The following LDB2 variants were observed in gnomAD, a reference collection of about 807,000 sequenced individuals.
LDB2 encodes the protein LIM domain binding 2.
In LDB2, 12 loss-of-function variants were observed where a neutral mutation model predicts 44.3. That is an observed-to-expected ratio of 0.27 (90% CI 0.17 to 0.44). LDB2 has a LOEUF of 0.44. Among genes scored for constraint, LDB2 ranks in the 20% least tolerant of loss-of-function variants. The probability of loss-of-function intolerance (pLI) is 1.00; values close to 1 mark genes in which losing one functional copy is unlikely to be tolerated. For synonymous variants in LDB2, 164 were observed against 174.8 expected (o/e 0.94, Z 0.49); for missense variants, 344 against 473.5 (o/e 0.73, Z 2.54).
intron 1 of LDB2, among the ~76,000 whole-genome samples, chr4:16,848,425 G>A (rs936590087): frequency 6.6e-6 from 1 of 152,166 alleles, no homozygotes; most frequent in Non-Finnish European, 1.5e-5. Context: ...ACATTTCTAA[G>A]AAGACAGCAG....
intron 4 of LDB2, among the ~76,000 whole-genome samples, chr4:16,587,258 A>G (rs1404618179): frequency 6.6e-6 from 1 of 152,188 alleles, no homozygotes; most frequent in East Asian, 1.9e-4. Context: ...AGGACACACT[A>G]TGTGCCAGGC....
At chr4:16,756,236 G>T (rs2109169711) in intron 2 of LDB2, among the ~76,000 whole-genome samples, 1 of 152,170 alleles carries the variant, frequency 6.6e-6, no homozygotes, top group African/African-American at 2.4e-5. Context: ...GATCACTTCG[G>T]GCCAGGAGTT....
intron 5 of LDB2, among the ~76,000 whole-genome samples, chr4:16,531,742 T>A (rs1730222393): frequency 6.6e-6 from 1 of 152,208 alleles, no homozygotes; most frequent in Non-Finnish European, 1.5e-5. Flanking sequence ...CTGGCATGGC[T>A]AAATAGATAG....
At chr4:16,654,420 T>C (rs921735443) in intron 2 of LDB2, among the ~76,000 whole-genome samples, 1 of 152,096 alleles carries the variant, frequency 6.6e-6, no homozygotes, top group African/African-American at 2.4e-5. Context: ...AACTATGAGA[T>C]AGTAACACCC....
At chr4:16,771,364 T>C (rs1770642179) in intron 1 of LDB2, among the ~76,000 whole-genome samples, 1 of 152,226 alleles carries the variant, frequency 6.6e-6, no homozygotes, top group Non-Finnish European at 1.5e-5. Context: ...CTTCTCTGTT[T>C]ACAAATCTGT....
chr4:16,639,909 G>A (rs1284964001), intron 2 of LDB2, among the ~76,000 whole-genome samples: 1 of 152,222 alleles, frequency 6.6e-6, no homozygotes, highest in Non-Finnish European at 1.5e-5. Context: ...TCACACTTGT[G>A]CAAAACACCT....
At chr4:16,671,112 AAAAAAAAAC>A (rs1431375561) in intron 2 of LDB2, among the ~76,000 whole-genome samples, 1 of 125,042 alleles carries the variant, frequency 8.0e-6, no homozygotes, top group Non-Finnish European at 1.9e-5. Flanking sequence ...CACATACAAA[AAAAAAAAAC>A]AAAAAAAACA....
At chr4:16,759,020 C>A in intron 2 of LDB2, 138 bp downstream of exon 2, 1 of 594,184 alleles carries the variant, frequency 1.7e-6, no homozygotes, top group Non-Finnish European at 3.0e-6. Context: ...GACAATGACT[C>A]GATGAGAAGC....
chr4:16,791,323 A>C (rs914015908), intron 1 of LDB2, among the ~76,000 whole-genome samples: 5 of 152,044 alleles, frequency 3.3e-5, no homozygotes, highest in Admixed American at 1.3e-4. Context: ...TTGAGAGGCC[A>C]AGGTGGGTGG....
chr4:16,527,265 G>C (rs1728573172), intron 5 of LDB2, among the ~76,000 whole-genome samples: 1 of 152,160 alleles, frequency 6.6e-6, no homozygotes, highest in African/African-American at 2.4e-5. Flanking sequence ...TTCTAGGAGG[G>C]AAGTGCAGCT....
intron 2 of LDB2, among the ~76,000 whole-genome samples, chr4:16,738,268 A>T (rs1174937845): frequency 1.3e-5 from 2 of 152,162 alleles, no homozygotes; most frequent in Non-Finnish European, 2.9e-5. Flanking sequence ...TATTGGATAC[A>T]CCGCTGCTCC....
chr4:16,824,152 C>G lies in LDB2; in HGVS notation c.133-64892G>C, dbSNP rs1158912925. Among the ~76,000 whole-genome samples, 4 of 152,184 alleles carry G rather than the reference C, an allele frequency of 2.6e-5. No individual in the cohort carries two copies. The East Asian group carries it at 7.7e-4, about 29-fold the overall frequency. Reference sequence around the variant, plus strand: ...TGTCCATTTGAGGGAGGGCAGACCACCGTCCTTTGGTTTTTAGACACAAAT... The same window carrying G: ...TGTCCATTTGAGGGAGGGCAGACCAGCGTCCTTTGGTTTTTAGACACAAAT... On this transcript the variant is annotated intron_variant, in intron 1 of 7. Coordinates refer to ENST00000304523, the MANE Select transcript of LDB2 (RefSeq NM_001290.5).
At chr4:16,502,952 G>C in intron 7 of LDB2, 79 bp from the exon 8 acceptor site, 1 of 1,603,182 alleles carries the variant, frequency 6.2e-7, no homozygotes, top group Non-Finnish European at 8.5e-7. Context: ...GGGAGGAGTC[G>C]GGGAATCTAG....
chr4:16,868,552 G>A lies in LDB2; in HGVS notation c.132+29802C>T, dbSNP rs1715449975. On this transcript the variant is annotated intron_variant, in intron 1 of 7. Coordinates refer to ENST00000304523, the MANE Select transcript of LDB2 (RefSeq NM_001290.5). Reference sequence around the variant, plus strand: ...TCTGGTGGCAGAATCTTAAGGCAAAGCAAAACGAATATTCACTCAGGCAGA... The same window carrying A: ...TCTGGTGGCAGAATCTTAAGGCAAAACAAAACGAATATTCACTCAGGCAGA... 2.6e-5 allele frequency among the ~76,000 whole-genome samples: 4 copies of A among 152,136 alleles called. No homozygotes were observed. The South Asian group carries it at 6.2e-4, about 24-fold the overall frequency.
At chr4:16,744,624 G>A (rs550548592) in intron 2 of LDB2, among the ~76,000 whole-genome samples, 5 of 152,182 alleles carry the variant, frequency 3.3e-5, no homozygotes, top group South Asian at 2.1e-4. Context: ...ACAGGTGCCC[G>A]CCACCATGCC....
chr4:16,832,550 T>G (rs1022750629), intron 1 of LDB2, among the ~76,000 whole-genome samples: 16 of 152,220 alleles, frequency 1.1e-4, no homozygotes, highest in African/African-American at 3.9e-4. Flanking sequence ...TGTTTATGAA[T>G]TTGGTATATT....
intron 3 of LDB2, among the ~76,000 whole-genome samples, chr4:16,589,552 A>G (rs1011997920): frequency 1.3e-5 from 2 of 152,198 alleles, no homozygotes; most frequent in East Asian, 1.9e-4. Flanking sequence ...TAGAGTAATC[A>G]GTGACAGAGT....
At chr4:16,897,720 C>G (rs1214930388) in intron 1 of LDB2, among the ~76,000 whole-genome samples, 1 of 151,662 alleles carries the variant, frequency 6.6e-6, no homozygotes, top group African/African-American at 2.4e-5. Context: ...AGTCCCCTTG[C>G]CCCAAGCAAC....
chr4:16,776,730 A>G (rs535661666), intron 1 of LDB2, among the ~76,000 whole-genome samples: 19 of 152,354 alleles, frequency 1.2e-4, no homozygotes, highest in Middle Eastern at 3.4e-3. Context: ...AGATAGCATT[A>G]AGTGTACAGC....
Sources: gnomAD v4.1 joint callset for allele counts (sites outside exome capture counted in the v4.1 genomes callset) on GRCh38, gnomAD v4.1.1 for gene constraint, MANE v1.5 for transcripts, NCBI Gene and HGNC (gene_info 2026-07-23, HGNC 2026-07-21) for gene names.